ALDH7A1: variants seen among roughly 807,000 people sequenced by gnomAD.
ALDH7A1 encodes the protein aldehyde dehydrogenase 7 family member A1, also known as alpha-aminoadipic semialdehyde dehydrogenase.
In ALDH7A1, 63 loss-of-function variants were observed where a neutral mutation model predicts 79.9. That is an observed-to-expected ratio of 0.79 (90% CI 0.64 to 0.97). The LOEUF is 0.97. ALDH7A1 is among the 50% of genes least tolerant of loss of function. The pLI is 0.00. For missense variants in ALDH7A1, 627 were observed against 665.2 expected, an observed-to-expected ratio of 0.94 and a Z score of 0.63; for synonymous variants, 240 against 231.2, an observed-to-expected ratio of 1.04 and a Z score of -0.34.
At position 126,554,382 on chromosome 5, in the gene ALDH7A1, A is replaced by G. The variant is rs1750107374; in HGVS notation, c.1105T>C (p.Tyr369His). 6.2e-7 allele frequency: 1 copy of G among 1,614,060 alleles called. No homozygotes were observed. Among genetic ancestry groups the G allele is most frequent in the Non-Finnish European group, 8.5e-7 (1 of 1,179,954 alleles). Reference protein sequence around the residue: ...VGNPWDPNVLYGPLHTKQAVS... With the variant: ...VGNPWDPNVLHGPLHTKQAVS... ...GCCTGCTTGGTGTGGAGTGGCCCAT[A>G]GAGAACATTAGCTGGAGAGAGAAAA... Residue 369 changes from tyrosine (Y) to histidine (H), a missense_variant, in exon 13 of 18, where the codon TAT (tyrosine) becomes CAT (histidine). Transcript: ENST00000409134.
Position 126,593,307 on chromosome 5 carries a change from A to AC in ALDH7A1, c.246+43_246+44insG, listed in dbSNP as rs770506695. 8.9e-6 allele frequency: 14 copies of AC among 1,579,372 alleles called. No individual in the cohort carries two copies. In the African/African-American group the frequency reaches 1.1e-4, roughly 13 times the overall value. On this transcript the variant is annotated intron_variant, in intron 2 of 17. Transcript: ENST00000409134. ...AAACTCCTTGTGTATAATTTGAATT[A>AC]AACACACACACACACACACACACAC...
rs1749690116 is a variant in ALDH7A1, at chr5:126,543,714, A to G, written c.*1251T>C. ...TGGCAGGAGTAGAGGGGTGCCATGCAGAAGGGGAGCAGAGAATGCCAGGAA... is the reference window on the plus strand; with the variant it reads ...TGGCAGGAGTAGAGGGGTGCCATGCGGAAGGGGAGCAGAGAATGCCAGGAA... On this transcript the variant is annotated 3_prime_UTR_variant, in exon 18 of 18. Coordinates refer to ENST00000409134, the MANE Select transcript of ALDH7A1 (RefSeq NM_001182.5). The G allele has an allele frequency of 6.6e-6, 1 of 152,224 alleles. No homozygotes were observed. Among genetic ancestry groups the G allele is most frequent in the Admixed American group, 6.5e-5 (1 of 15,288 alleles). 9.4% of individuals were successfully genotyped at this position (152,224 alleles called of 1,614,324 possible).
intron 8 of ALDH7A1, chr5:126,570,502 A>C (rs1445068284): frequency 2.6e-6 from 1 of 385,604 alleles, no homozygotes; most frequent in African/African-American, 2.1e-5. Context: ...AAGTGTCAGG[A>C]AGTCACAGGC....
chr5:126,578,320 G>A (rs966032158), intron 5 of ALDH7A1, among the ~76,000 whole-genome samples: 3 of 151,522 alleles, frequency 2.0e-5, no homozygotes, highest in East Asian at 1.9e-4. Context: ...AATGAATTAC[G>A]CAAATCTTTA....
At chr5:126,545,791 CAA>C (rs561880588) in intron 17 of ALDH7A1, among the ~76,000 whole-genome samples, 12 of 128,104 alleles carry the variant, frequency 9.4e-5, no homozygotes, top group African/African-American at 1.4e-4. Context: ...GACTCCATCT[CAA>C]AAAAAAAAAA....
chr5:126,554,298 A>G lies in ALDH7A1; in HGVS notation c.1189T>C (p.Tyr397His). The change falls in exon 13 of 18, where the codon TAT becomes CAT. Residue 397 changes from tyrosine to histidine, a missense_variant. Transcript: ENST00000409134. ...EAKKEGGTVV[Y>H]GGKVMDRPGN... ...AGAGCATCCCTTACCTTGCCCCCAT[A>G]GACCACTGTGCCACCTTCTTTCTTT... is the stretch of plus-strand genomic sequence containing the variant. The G allele has an allele frequency of 6.2e-7, 1 of 1,613,978 alleles. No individual in the cohort carries two copies. Among genetic ancestry groups the G allele is most frequent in the South Asian group, 1.1e-5 (1 of 91,078 alleles).
In ALDH7A1 at chr5:126,558,834, T is replaced by C. The variant is rs146795384; in HGVS notation, c.1008+406A>G. Among the ~76,000 whole-genome samples the C allele has an allele frequency of 7.1e-3, 1,077 of 152,370 alleles. 18 individuals carry two copies. The highest frequency in any genetic ancestry group is 0.025 in the African/African-American group (1,039 of 41,588). On this transcript the variant is annotated intron_variant, in intron 11 of 17. Coordinates refer to ENST00000409134, the MANE Select transcript of ALDH7A1 (RefSeq NM_001182.5). ...AGCCACCATGCCCAGTCTAAAATGT[T>C]TAAAATGTTTTACTACTTAAAATGT...
intron 10 of ALDH7A1, among the ~76,000 whole-genome samples, chr5:126,559,564 T>C (rs1291665303): frequency 2.7e-5 from 4 of 150,788 alleles, no homozygotes; most frequent in Non-Finnish European, 3.0e-5. Context: ...TCCCGAGCAG[T>C]TGGGATTACA....
intron 3 of ALDH7A1, chr5:126,592,121 G>T (rs1751574409): frequency 6.4e-6 from 1 of 156,648 alleles, no homozygotes; most frequent in Admixed American, 6.3e-5. Context: ...CTAGAGACAG[G>T]GTTTCACCAT....
chr5:126,583,410 G>T (rs970753122), intron 4 of ALDH7A1, among the ~76,000 whole-genome samples: 1 of 152,036 alleles, frequency 6.6e-6, no homozygotes, highest in Admixed American at 6.6e-5. Context: ...GAACCCAGGA[G>T]GGGGAGGTTG....
intron 5 of ALDH7A1, chr5:126,582,232 G>A (rs1473418481): frequency 5.0e-6 from 2 of 397,986 alleles, no homozygotes; most frequent in Admixed American, 4.4e-5. Context: ...ATGGGGGTAG[G>A]AGGGAAACTT....
intron 1 of ALDH7A1, chr5:126,594,284 G>C: frequency 2.1e-6 from 1 of 470,922 alleles, no homozygotes; most frequent in Admixed American, 2.4e-5. Context: ...AAGAATTCAG[G>C]AAGGAAGATA....
At chr5:126,570,457 A>G (rs1022689930) in intron 8 of ALDH7A1, 4 of 284,394 alleles carry the variant, frequency 1.4e-5, no homozygotes, top group Non-Finnish European at 2.7e-5. Flanking sequence ...CTACAATTTC[A>G]TAGCTTTCTT....
At chr5:126,561,039 G>A (rs1329933292) in intron 10 of ALDH7A1, 44 bp downstream of exon 10, 2 of 1,605,724 alleles carry the variant, frequency 1.2e-6, no homozygotes, top group African/African-American at 1.3e-5. Flanking sequence ...TGGCGACTGT[G>A]GAAACTGAAC....
intron 16 of ALDH7A1, chr5:126,549,559 T>C (rs1166768106): frequency 4.5e-6 from 1 of 220,964 alleles, no homozygotes; most frequent in Non-Finnish European, 9.0e-6. Flanking sequence ...TGTTTAACAT[T>C]TATATGCCTA....
chr5:126,547,498 G>C (rs1341724951), intron 16 of ALDH7A1, among the ~76,000 whole-genome samples: 1 of 152,198 alleles, frequency 6.6e-6, no homozygotes, highest in Non-Finnish European at 1.5e-5. Context: ...CAGGCCTGCA[G>C]GGCCCTCCCT....
intron 3 of ALDH7A1, among the ~76,000 whole-genome samples, chr5:126,585,634 T>G (rs1177836907): frequency 6.6e-6 from 1 of 152,202 alleles, no homozygotes; most frequent in Non-Finnish European, 1.5e-5. Context: ...CGATCTCGGC[T>G]CAGTGCAACC....
chr5:126,567,382 ATTTCTT>A (rs1412144804), intron 9 of ALDH7A1, among the ~76,000 whole-genome samples: 11 of 152,142 alleles, frequency 7.2e-5, no homozygotes, highest in African/African-American at 2.2e-4. Flanking sequence ...TTCAAGTACT[ATTTCTT>A]TACAGCACCC....
In ALDH7A1 at chr5:126,554,299, G is replaced by A. The variant is rs1750102694; in HGVS notation, c.1188C>T (p.Val396=). The change falls in exon 13 of 18, where the codon GTC becomes GTT. Residue 396 remains valine, a synonymous_variant. Coordinates refer to ENST00000409134, the MANE Select transcript of ALDH7A1 (RefSeq NM_001182.5). ...EEAKKEGGTV[V]YGGKVMDRPG... ...GAGCATCCCTTACCTTGCCCCCATA[G>A]ACCACTGTGCCACCTTCTTTCTTTG... The A allele has an allele frequency of 6.2e-7, 1 of 1,613,822 alleles. No individual in the cohort carries two copies. The highest frequency in any genetic ancestry group is 8.5e-7 in the Non-Finnish European group (1 of 1,179,948).
Sources: allele counts gnomAD v4.1 joint callset (sites outside exome capture counted in the v4.1 genomes callset), GRCh38; gene constraint gnomAD v4.1.1; transcripts MANE v1.5; gene names NCBI Gene and HGNC (gene_info 2026-07-23, HGNC 2026-07-21).